The following CCDC30 variants were observed in gnomAD, a reference collection of about 807,000 sequenced individuals.
CCDC30 encodes the protein coiled-coil domain containing 30.
A neutral mutation model predicts 100.2 loss-of-function variants in CCDC30; 70 were observed. The observed-to-expected ratio is 0.70, with a 90% confidence interval of 0.58 to 0.85. The LOEUF (loss-of-function observed/expected upper bound fraction) is 0.85. Ranked by LOEUF, CCDC30 falls within the 40% of genes least tolerant of loss-of-function variation. The pLI, the probability that CCDC30 is intolerant of heterozygous loss-of-function variation, is 0.00. For synonymous variants in CCDC30, 233 were observed against 269.5 expected, an observed-to-expected ratio of 0.86 and a Z score of 1.33; for missense variants, 652 against 771.2, an observed-to-expected ratio of 0.85 and a Z score of 1.83.
chr1:42,585,933 C>T (rs1453972994), intron 9 of CCDC30, among the ~76,000 whole-genome samples: 1 of 149,602 alleles, frequency 6.7e-6, no homozygotes, highest in Middle Eastern at 3.2e-3. Flanking sequence ...GTAATACTTA[C>T]ATCTTTTAGA....
At chr1:42,651,041 G>A (rs898251154) in intron 15 of CCDC30, among the ~76,000 whole-genome samples, 2 of 152,120 alleles carry the variant, frequency 1.3e-5, no homozygotes, top group Non-Finnish European at 2.9e-5. Context: ...AATGAAAGTG[G>A]ACCGTTACCT....
At chr1:42,504,758 T>C (rs1473436065) in intron 6 of CCDC30, among the ~76,000 whole-genome samples, 2 of 152,198 alleles carry the variant, frequency 1.3e-5, no homozygotes, top group Non-Finnish European at 2.9e-5. Context: ...TTATGACATG[T>C]TTAAACTTTC....
At chr1:42,646,961 G>A (rs560767254) in intron 15 of CCDC30, among the ~76,000 whole-genome samples, 32 of 152,192 alleles carry the variant, frequency 2.1e-4, no homozygotes, top group Admixed American at 7.9e-4. Context: ...TTAGCTGGGC[G>A]TGGTGGTATG....
chr1:42,472,724 A>C (rs1643811591), intron 1 of CCDC30, among the ~76,000 whole-genome samples: 1 of 152,074 alleles, frequency 6.6e-6, no homozygotes, highest in Non-Finnish European at 1.5e-5. Context: ...ACAGTTGTTC[A>C]AAGCTTACAT....
At chr1:42,576,901 C>T in intron 7 of CCDC30, 119 bp from the exon 12 acceptor site, 1 of 687,858 alleles carries the variant, frequency 1.5e-6, no homozygotes, top group African/African-American at 1.8e-5. Context: ...AGGTACTCAG[C>T]CATGTGACAT....
At chr1:42,498,046 A>G (rs889444381) in intron 5 of CCDC30, among the ~76,000 whole-genome samples, 3 of 152,248 alleles carry the variant, frequency 2.0e-5, no homozygotes, top group African/African-American at 7.2e-5. Flanking sequence ...ATAGAGGAAC[A>G]GATAAGCAAA....
At chr1:42,652,091 G>A (rs1271868970) in intron 15 of CCDC30, among the ~76,000 whole-genome samples, 1 of 152,146 alleles carries the variant, frequency 6.6e-6, no homozygotes, top group Non-Finnish European at 1.5e-5. Context: ...ACACTATGGT[G>A]TGTGAAAATG....
intron 15 of CCDC30, among the ~76,000 whole-genome samples, chr1:42,652,112 A>G (rs1648402909): frequency 6.6e-6 from 1 of 152,192 alleles, no homozygotes; most frequent in Admixed American, 6.5e-5. Flanking sequence ...TGGTATATAT[A>G]TATGATACAA....
In CCDC30 at chr1:42,598,256, C is replaced by G. The variant is rs549658701; in HGVS notation, c.1164+8773C>G. On this transcript the variant is annotated intron_variant, in intron 10 of 16. Transcript: ENST00000668663. ...GGGAAGCTGGGCATGGTGGCTCATA[C>G]CTGTAATCCCAGCACTTTGGGAGGC... is the stretch of plus-strand genomic sequence containing the variant. Among the ~76,000 whole-genome samples, 4 of 152,094 alleles carry G rather than the reference C, an allele frequency of 2.6e-5. No homozygotes were observed. The East Asian group carries it at 7.7e-4, about 29-fold the overall frequency.
intron 6 of CCDC30, among the ~76,000 whole-genome samples, chr1:42,540,878 A>G (rs1644999020): frequency 3.3e-5 from 5 of 152,188 alleles, no homozygotes; most frequent in Admixed American, 3.3e-4. Context: ...TTTTATTCTG[A>G]TTCCCCTCTA....
chr1:42,486,469 A>C (rs936005568), intron 3 of CCDC30, among the ~76,000 whole-genome samples: 1 of 152,112 alleles, frequency 6.6e-6, no homozygotes, highest in Non-Finnish European at 1.5e-5. Flanking sequence ...TTCCTTTAAG[A>C]GTCTTGGTAT....
intron 11 of CCDC30, among the ~76,000 whole-genome samples, chr1:42,611,394 T>C (rs1468509292): frequency 6.6e-6 from 1 of 152,158 alleles, no homozygotes; most frequent in Non-Finnish European, 1.5e-5. Context: ...TCACCTCACA[T>C]ACTTTCCTCA....
chr1:42,541,121 A>T (rs1645003485), intron 6 of CCDC30, among the ~76,000 whole-genome samples: 1 of 152,212 alleles, frequency 6.6e-6, no homozygotes, highest in Non-Finnish European at 1.5e-5. Context: ...TCAGTTCTAG[A>T]GGCTGGGAAA....
chr1:42,540,286 T>C (rs1177543375), intron 6 of CCDC30, among the ~76,000 whole-genome samples: 1 of 152,070 alleles, frequency 6.6e-6, no homozygotes, highest in Non-Finnish European at 1.5e-5. Flanking sequence ...GTCCAGAACA[T>C]AGGGTTTGCT....
chr1:42,620,926 C>G lies in CCDC30; in HGVS notation c.1277+9836C>G, dbSNP rs1422769859. 2.6e-5 allele frequency among the ~76,000 whole-genome samples: 4 copies of G among 152,272 alleles called. No homozygotes were observed. In the East Asian group the frequency reaches 7.7e-4, roughly 29 times the overall value. ...CCACCCTCCAGGAACCTGTGTTCAG[C>G]TATTTAGAAGTCCCCCAAACCCAGT... On this transcript the variant is annotated intron_variant, in intron 11 of 16. Coordinates refer to ENST00000668663, the Ensembl canonical transcript of CCDC30.
At chr1:42,502,196 C>T (rs950466766) in intron 6 of CCDC30, among the ~76,000 whole-genome samples, 3 of 152,156 alleles carry the variant, frequency 2.0e-5, no homozygotes, top group East Asian at 1.9e-4. Context: ...CCTTGCAGTT[C>T]GATCTCAGAC....
chr1:42,463,769 C>T (rs1393185504), exon 1 of CCDC30: 4 of 152,146 alleles, frequency 2.6e-5, no homozygotes, highest in Non-Finnish European at 4.4e-5. Flanking sequence ...GCAGCTTTCC[C>T]CTACGTGTAG....
At chr1:42,487,258 G>A (rs1159334714) in intron 3 of CCDC30, among the ~76,000 whole-genome samples, 1 of 152,002 alleles carries the variant, frequency 6.6e-6, no homozygotes, top group African/African-American at 2.4e-5. Flanking sequence ...CATACCTGTA[G>A]GTATACTAAA....
intron 6 of CCDC30, among the ~76,000 whole-genome samples, chr1:42,545,128 C>A (rs1645096113): frequency 7.7e-6 from 1 of 130,354 alleles, no homozygotes; most frequent in Non-Finnish European, 1.6e-5. Context: ...AAACAGCACT[C>A]TGAGAACCCA....
Sources: allele counts gnomAD v4.1 joint callset (sites outside exome capture counted in the v4.1 genomes callset), GRCh38; gene constraint gnomAD v4.1.1; transcripts MANE v1.5; gene names NCBI Gene and HGNC (gene_info 2026-07-23, HGNC 2026-07-21).